Variants in XKR4 observed in about 807,000 individuals in gnomAD.
XKR4 encodes the protein XK-related protein 4.
Under a neutral mutation model 53.9 loss-of-function variants are expected in XKR4, and 12 were observed. The ratio of observed to expected loss-of-function variants is 0.22; its 90% CI spans 0.14 to 0.36. XKR4 has a LOEUF of 0.36. Ranked by LOEUF, XKR4 falls within the 10% of genes least tolerant of loss-of-function variation. XKR4 has a pLI of 1.00. For synonymous variants in XKR4, 354 were observed against 362.4 expected, an observed-to-expected ratio of 0.98 and a Z score of 0.26; for missense variants, 799 against 859.5, an observed-to-expected ratio of 0.93 and a Z score of 0.88.
chr8:55,470,650 G>A (rs1007269564), intron 2 of XKR4, among the ~76,000 whole-genome samples: 2 of 152,064 alleles, frequency 1.3e-5, no homozygotes, highest in Admixed American at 6.6e-5. Context: ...TTAAAGCAAG[G>A]CAAGCCCCCA....
chr8:55,274,466 T>A (rs1208709054), intron 1 of XKR4, among the ~76,000 whole-genome samples: 3 of 151,424 alleles, frequency 2.0e-5, no homozygotes, highest in Non-Finnish European at 4.4e-5. Flanking sequence ...TGAGTCTCGC[T>A]CTGTCACCCA....
At chr8:55,177,005 T>C (rs918407665) in intron 1 of XKR4, among the ~76,000 whole-genome samples, 4 of 151,558 alleles carry the variant, frequency 2.6e-5, no homozygotes, top group Non-Finnish European at 4.4e-5. Flanking sequence ...AAGTGTTAAA[T>C]CCATAAATGT....
intron 1 of XKR4, among the ~76,000 whole-genome samples, chr8:55,267,760 A>C (rs1818631368): frequency 6.6e-6 from 1 of 152,190 alleles, no homozygotes; most frequent in Non-Finnish European, 1.5e-5. Flanking sequence ...ATTTGATAGA[A>C]GATCCTCTGA....
intron 2 of XKR4, among the ~76,000 whole-genome samples, chr8:55,464,810 A>G (rs1805731484): frequency 6.6e-6 from 1 of 152,324 alleles, no homozygotes; most frequent in East Asian, 1.9e-4. Context: ...AAATCAATGT[A>G]CAAAAATCAA....
intron 2 of XKR4, among the ~76,000 whole-genome samples, chr8:55,399,620 T>C (rs1475126290): frequency 6.6e-6 from 1 of 152,194 alleles, no homozygotes; most frequent in Non-Finnish European, 1.5e-5. Context: ...GGAATCCAAG[T>C]CTGTAATCCC....
chr8:55,466,187 T>C (rs1254213066), intron 2 of XKR4, among the ~76,000 whole-genome samples: 1 of 152,134 alleles, frequency 6.6e-6, no homozygotes, highest in Non-Finnish European at 1.5e-5. Flanking sequence ...CACATGCATA[T>C]GTATGTTTAT....
intron 1 of XKR4, among the ~76,000 whole-genome samples, chr8:55,154,886 G>A (rs1002545218): frequency 1.3e-5 from 2 of 152,188 alleles, no homozygotes; most frequent in African/African-American, 4.8e-5. Flanking sequence ...TATTGACTGG[G>A]AAGGATCACT....
chr8:55,368,376 A>T (rs1804024231), intron 2 of XKR4, among the ~76,000 whole-genome samples: 1 of 152,164 alleles, frequency 6.6e-6, no homozygotes, highest in Non-Finnish European at 1.5e-5. Flanking sequence ...TGGAGCCTCC[A>T]AGTCTCCCCA....
At chr8:55,396,245 G>C (rs902939947) in intron 2 of XKR4, among the ~76,000 whole-genome samples, 1 of 152,180 alleles carries the variant, frequency 6.6e-6, no homozygotes, top group African/African-American at 2.4e-5. Flanking sequence ...GGCCTCTTCT[G>C]AGATGCGTGT....
intron 1 of XKR4, among the ~76,000 whole-genome samples, chr8:55,267,985 T>A (rs145063604): frequency 3.6e-3 from 551 of 152,300 alleles, no homozygotes; most frequent in Admixed American, 6.1e-3. Flanking sequence ...AAGTTCTGGC[T>A]AAGGGATAAA....
At chr8:55,111,701 G>A (rs960478693) in intron 1 of XKR4, among the ~76,000 whole-genome samples, 1 of 152,164 alleles carries the variant, frequency 6.6e-6, no homozygotes. Flanking sequence ...GACTGGAGAA[G>A]CCAAAATTGC....
At chr8:55,423,925 T>C (rs1804973075) in intron 2 of XKR4, among the ~76,000 whole-genome samples, 1 of 152,190 alleles carries the variant, frequency 6.6e-6, no homozygotes, top group African/African-American at 2.4e-5. Context: ...CATGAATCAG[T>C]TCACTTGAAA....
At chr8:55,199,699 A>G (rs983776712) in intron 1 of XKR4, among the ~76,000 whole-genome samples, 8 of 152,234 alleles carry the variant, frequency 5.3e-5, no homozygotes, top group Admixed American at 1.3e-4. Context: ...CACTAACATT[A>G]GAGAAAATAA....
intron 1 of XKR4, chr8:55,135,269 G>C (rs1816609691): frequency 5.9e-6 from 1 of 169,590 alleles, no homozygotes. Context: ...TCTTTTTTAT[G>C]ATAACATACT....
chr8:55,303,676 C>T (rs1253332054), intron 1 of XKR4, among the ~76,000 whole-genome samples: 2 of 152,100 alleles, frequency 1.3e-5, no homozygotes, highest in African/African-American at 2.4e-5. Flanking sequence ...AATTTCAGAG[C>T]CTGTTATTGG....
intron 1 of XKR4, among the ~76,000 whole-genome samples, chr8:55,232,589 A>G (rs1818058913): frequency 1.3e-5 from 2 of 152,348 alleles, no homozygotes; most frequent in South Asian, 2.1e-4. Context: ...CATACAAAAA[A>G]TCATGTAGAA....
At chr8:55,187,009 A>T (rs919095315) in intron 1 of XKR4, among the ~76,000 whole-genome samples, 15 of 152,220 alleles carry the variant, frequency 9.9e-5, no homozygotes, top group Admixed American at 5.2e-4. Context: ...TGGCATTTAC[A>T]TAATGGTTCC....
chr8:55,329,461 C>A (rs1431916089), intron 1 of XKR4, among the ~76,000 whole-genome samples: 1 of 151,860 alleles, frequency 6.6e-6, no homozygotes, highest in African/African-American at 2.4e-5. Flanking sequence ...TTTCTTCTTC[C>A]AATGTGGCCC....
chr8:55,398,648 A>G (rs1162383881), intron 2 of XKR4, among the ~76,000 whole-genome samples: 1 of 152,184 alleles, frequency 6.6e-6, no homozygotes, highest in African/African-American at 2.4e-5. Context: ...TAAAATAAAG[A>G]CACTGAGTAC....
Sources: gnomAD v4.1 joint callset for allele counts (sites outside exome capture counted in the v4.1 genomes callset) on GRCh38, gnomAD v4.1.1 for gene constraint, MANE v1.5 for transcripts, NCBI Gene and HGNC (gene_info 2026-07-23, HGNC 2026-07-21) for gene names.